MPDZ: variants seen among roughly 807,000 people sequenced by gnomAD.
The protein encoded by MPDZ is multiple PDZ domain crumbs cell polarity complex component, also known as multiple PDZ domain protein.
A neutral mutation model predicts 239.1 loss-of-function variants in MPDZ; 234 were observed. The ratio of observed to expected loss-of-function variants is 0.98; its 90% confidence interval spans 0.88 to 1.09. The LOEUF (loss-of-function observed/expected upper bound fraction) is 1.09. Among genes scored for constraint, MPDZ ranks in the 50% least tolerant of loss-of-function variants. The pLI is 0.00. For synonymous variants in MPDZ, 1,048 were observed against 881.3 expected, an observed-to-expected ratio of 1.19 and a Z score of -3.35; for missense variants, 3,175 against 2,510.0, an observed-to-expected ratio of 1.26 and a Z score of -5.66.
chr9:13,203,368 A>G (rs1173533875), intron 12 of MPDZ, among the ~76,000 whole-genome samples: 1 of 152,122 alleles, frequency 6.6e-6, no homozygotes, highest in Non-Finnish European at 1.5e-5. Context: ...GAGATTATGA[A>G]TGGAGAAAGT....
rs1317379822 is a variant in MPDZ at position 13,150,684 on chromosome 9, C to G, written c.3457G>C (p.Glu1153Gln). ...YSNWNQPRRV[E>Q]LWREPSKSLG... Reference sequence around the variant, plus strand: ...GATTTGCTTGGTTCTCTCCAGAGTTCCACCCTAAAAAATAAATAAAATTTT... The same window carrying G: ...GATTTGCTTGGTTCTCTCCAGAGTTGCACCCTAAAAAATAAATAAAATTTT... The change falls in exon 25 of 47, where the codon GAA (glutamate) becomes CAA (glutamine). Residue 1153 changes from glutamate (E) to glutamine (Q), a missense_variant. Glu to Gln is a conservative substitution (Grantham distance 29). Coordinates refer to ENST00000319217, the MANE Select transcript of MPDZ (RefSeq NM_001378778.1). 1 of 1,347,242 alleles carries G rather than the reference C, an allele frequency of 7.4e-7. No homozygotes were observed. The highest frequency in any genetic ancestry group is 1.5e-5 in the African/African-American group (1 of 66,604). The allele number at this position is 1,347,242 out of a possible 1,614,324, so 83.5% of individuals were successfully genotyped here. A position where few individuals can be genotyped will look rare whatever the true frequency, so the allele number is the denominator to read the frequency against.
intron 42 of MPDZ, among the ~76,000 whole-genome samples, chr9:13,112,484 G>A (rs994703901): frequency 6.6e-6 from 1 of 152,122 alleles, no homozygotes; most frequent in Admixed American, 6.5e-5. Flanking sequence ...TGCAAATGCT[G>A]GAACTTGGAA....
chr9:13,189,201 G>C (rs190339416), intron 16 of MPDZ, among the ~76,000 whole-genome samples: 1 of 152,100 alleles, frequency 6.6e-6, no homozygotes, highest in African/African-American at 2.4e-5. Flanking sequence ...CTTAAACAAT[G>C]GCACCCTCAC....
chr9:13,113,170 G>T (rs1438532951), intron 41 of MPDZ, 116 bp from the exon 42 acceptor site: 1 of 854,272 alleles, frequency 1.2e-6, no homozygotes. Context: ...TTTTTTTAAG[G>T]GGGTGCTCAA....
At chr9:13,138,183 T>C (rs778122859) in intron 28 of MPDZ, 30 bp from the exon 29 acceptor site, 2 of 1,509,866 alleles carry the variant, frequency 1.3e-6, no homozygotes, top group East Asian at 2.3e-5. Flanking sequence ...CAAATACATA[T>C]TTACAGTTAA....
Position 13,136,706 on chromosome 9 carries a change from G to A in MPDZ, c.4292+6C>T, listed in dbSNP as rs1244016006. ...ATTTGGTAAACTAGCAAAAGAAAAT[G>A]ATCACCTGATAAAAATTATTTTCAC... is the stretch of plus-strand genomic sequence containing the variant. On this transcript the variant is annotated splice_donor_region_variant and intron_variant, in intron 30 of 46. Transcript: ENST00000319217. 6.6e-7 allele frequency: 1 copy of A among 1,521,888 alleles called. No individual in the cohort carries two copies. Among genetic ancestry groups the A allele is most frequent in the East Asian group, 2.3e-5 (1 of 43,630 alleles). The allele number at this position is 1,521,888 out of a possible 1,614,324, so 94.3% of individuals were successfully genotyped here.
At position 13,107,018 on chromosome 9, in the gene MPDZ, C is replaced by A; in HGVS notation, c.6160G>T (p.Val2054Phe). The A allele has an allele frequency of 6.2e-7, 1 of 1,613,506 alleles. No homozygotes were observed. Among genetic ancestry groups the A allele is most frequent in the Non-Finnish European group, 8.5e-7 (1 of 1,179,522 alleles). The part of the protein sequence containing the change: ...SLEGVTHEEA[V>F]AILKRTKGTV... The stretch of plus-strand genomic sequence containing the variant: ...CCTTTTGTCCGTTTAAGGATGGCAA[C>A]AGCTTCTTCATGGGTGACTCCTTCT... Residue 2054 changes from valine (V) to phenylalanine (F), a missense_variant, in exon 47 of 47, where the codon GTT becomes TTT. Coordinates refer to ENST00000319217, the MANE Select transcript of MPDZ (RefSeq NM_001378778.1).
At position 13,136,180 on chromosome 9, in the gene MPDZ, T is replaced by A; in HGVS notation, c.4295A>T (p.Asn1432Ile). Residue 1432 changes from asparagine to isoleucine, a missense_variant and splice_region_variant, in exon 31 of 47, where the codon AAT becomes ATT. Coordinates refer to ENST00000319217, the MANE Select transcript of MPDZ (RefSeq NM_001378778.1). ...PSKVKIIFIR[N>I]KDAVNQMAVC... Reference sequence around the variant, plus strand: ...GGCCATCTGATTCACTGCATCTTTATTTCTAAAAGCAAAAAAACAACAACC... The same window carrying A: ...GGCCATCTGATTCACTGCATCTTTAATTCTAAAAGCAAAAAAACAACAACC... 6.8e-6 allele frequency: 11 copies of A among 1,608,834 alleles called. No homozygotes were observed. Among genetic ancestry groups the A allele is most frequent in the Non-Finnish European group, 9.3e-6 (11 of 1,176,542 alleles).
chr9:13,273,654 T>G (rs941743141), intron 1 of MPDZ, among the ~76,000 whole-genome samples: 3 of 152,206 alleles, frequency 2.0e-5, no homozygotes, highest in African/African-American at 7.2e-5. Context: ...GAGCCACATA[T>G]GTAATTTTGT....
In MPDZ at chr9:13,109,397, T is replaced by TATATTA. The variant is rs1469747351; in HGVS notation, c.5943-344_5943-339dup. Among the ~76,000 whole-genome samples the TATATTA allele has an allele frequency of 1.1e-4, 17 of 152,322 alleles. No individual in the cohort carries two copies. The East Asian group carries it at 2.7e-3, about 24-fold the overall frequency. On this transcript the variant is annotated intron_variant, in intron 45 of 46. Coordinates refer to ENST00000319217, the MANE Select transcript of MPDZ (RefSeq NM_001378778.1). ...GTGAGAGGGCTAAAGTTCAGGGGAC[T>TATATTA]ATATTAGAATAAGTCATAAACATCA... is the stretch of plus-strand genomic sequence containing the variant.
Position 13,110,696 on chromosome 9 carries a change from G to A in MPDZ, c.5769C>T (p.Gly1923=). ...GGTTAACTGCTTGGGTGTGAGTCATGCCCTCAGTGGATGTGCCACAGATGG... is the reference window on the plus strand; with the variant it reads ...GGTTAACTGCTTGGGTGTGAGTCATACCCTCAGTGGATGTGCCACAGATGG... ...IVTICGTSTE[G]MTHTQAVNLL... is the part of the protein sequence containing the mutation. Residue 1923 remains glycine (G), a synonymous_variant, in exon 44 of 47, where the codon GGC becomes GGT. Transcript: ENST00000319217. 6.8e-6 allele frequency: 11 copies of A among 1,613,666 alleles called. No individual in the cohort carries two copies. Among genetic ancestry groups the A allele is most frequent in the Non-Finnish European group, 7.6e-6 (9 of 1,179,744 alleles).
rs532109304 is a variant in MPDZ, at chr9:13,197,264, C to A, written c.1547-1034G>T. Among the ~76,000 whole-genome samples the A allele has an allele frequency of 9.9e-5, 15 of 151,792 alleles. No individual in the cohort carries two copies. In the South Asian group the frequency reaches 3.1e-3, roughly 32 times the overall value. On this transcript the variant is annotated intron_variant, in intron 12 of 46. Transcript: ENST00000319217. The stretch of plus-strand genomic sequence containing the variant: ...GAGGTTAACAGATATAAAAGCACAG[C>A]TAGATAGAAGAAATATGTTCCAGTG...
At chr9:13,276,901 C>T (rs1166281747) in intron 1 of MPDZ, 1 of 152,172 alleles carries the variant, frequency 6.6e-6, no homozygotes, top group Non-Finnish European at 1.5e-5. Context: ...AATCTCAATT[C>T]TAGACAATGG....
At chr9:13,247,955 A>C (rs559863462) in intron 2 of MPDZ, among the ~76,000 whole-genome samples, 154 bp from the exon 3 acceptor site, 16 of 152,304 alleles carry the variant, frequency 1.1e-4, no homozygotes, top group African/African-American at 3.8e-4. Context: ...GGCCGGACCC[A>C]GTGGCTCATG....
chr9:13,119,340 C>CT (rs1261969280), intron 39 of MPDZ, among the ~76,000 whole-genome samples, 162 bp downstream of exon 39: 1 of 152,172 alleles, frequency 6.6e-6, no homozygotes, highest in East Asian at 1.9e-4. Flanking sequence ...CTGCCATGGC[C>CT]TCCCAAAATG....
At chr9:13,273,031 T>C (rs1288103198) in intron 1 of MPDZ, among the ~76,000 whole-genome samples, 1 of 152,062 alleles carries the variant, frequency 6.6e-6, no homozygotes. Flanking sequence ...TTAGTGCCCT[T>C]ATAAAATAGG....
In MPDZ at chr9:13,256,960, T is replaced by C. The variant is rs189496427; in HGVS notation, c.-57-6588A>G. 1.2e-4 allele frequency among the ~76,000 whole-genome samples: 19 copies of C among 152,230 alleles called. No individual in the cohort carries two copies. In the East Asian group the frequency reaches 3.5e-3, roughly 28 times the overall value. On this transcript the variant is annotated intron_variant, in intron 1 of 46. Coordinates refer to ENST00000319217, the MANE Select transcript of MPDZ (RefSeq NM_001378778.1). ...ATAAAACAACATAGACCTGTATATA[T>C]GGGGTAAGGTCCTATGTTTGGTTTC...
chr9:13,143,482 T>G lies in MPDZ; in HGVS notation c.3824A>C (p.Gln1275Pro). The stretch of plus-strand genomic sequence containing the variant: ...TTATCCAACCTTGTCGGCGTTGATT[T>G]GTAGAGAGTCAGCAAATGGGTTAGT... ...SSTNPFADSL[Q>P]INADKAPSQS... The change falls in exon 27 of 47, where the codon CAA becomes CCA. Residue 1275 changes from glutamine to proline, a missense_variant. Gln to Pro is a moderately conservative substitution (Grantham distance 76). Coordinates refer to ENST00000319217, the MANE Select transcript of MPDZ (RefSeq NM_001378778.1). 6.2e-7 allele frequency: 1 copy of G among 1,612,486 alleles called. No individual in the cohort carries two copies. Among genetic ancestry groups the G allele is most frequent in the Non-Finnish European group, 8.5e-7 (1 of 1,178,792 alleles).
chr9:13,193,374 A>G, intron 13 of MPDZ, 61 bp from the exon 14 acceptor site: 1 of 1,499,068 alleles, frequency 6.7e-7, no homozygotes, highest in Non-Finnish European at 8.9e-7. Context: ...TTACTCATGC[A>G]CACATTTTAT....
Sources: allele counts gnomAD v4.1 joint callset (sites outside exome capture counted in the v4.1 genomes callset), GRCh38; gene constraint gnomAD v4.1.1; transcripts MANE v1.5; gene names NCBI Gene and HGNC (gene_info 2026-07-23, HGNC 2026-07-21).